The following FGF12 variants were observed in gnomAD, a reference collection of about 807,000 sequenced individuals.
FGF12 encodes fibroblast growth factor 12.
Under a neutral mutation model 23.6 loss-of-function variants are expected in FGF12, and 14 were observed. That is an observed-to-expected ratio of 0.59 (90% CI 0.39 to 0.93). The LOEUF is 0.93. Among genes scored for constraint, FGF12 ranks in the 40% least tolerant of loss-of-function variants. The probability of loss-of-function intolerance (pLI) is 0.00; values close to 1 mark genes in which losing one functional copy is unlikely to be tolerated. For missense variants in FGF12, 175 were observed against 217.8 expected (o/e 0.80, Z 1.24); for synonymous variants, 62 against 77.3 (o/e 0.80, Z 1.04).
intron 2 of FGF12, among the ~76,000 whole-genome samples, chr3:192,636,811 T>C (rs1254515366): frequency 6.6e-6 from 1 of 152,160 alleles, no homozygotes; most frequent in African/African-American, 2.4e-5. Flanking sequence ...AAATGCTATA[T>C]GTGTATCATA....
chr3:192,528,388 G>T (rs755508671), intron 2 of FGF12, among the ~76,000 whole-genome samples: 31 of 152,186 alleles, frequency 2.0e-4, no homozygotes, highest in Non-Finnish European at 3.8e-4. Context: ...CAAGAGGTGG[G>T]TCCCCATGCT....
At chr3:192,461,784 T>C (rs1722868749) in intron 2 of FGF12, among the ~76,000 whole-genome samples, 1 of 151,944 alleles carries the variant, frequency 6.6e-6, no homozygotes, top group African/African-American at 2.4e-5. Flanking sequence ...AGGTCAGGAG[T>C]TTGAGACCAG....
chr3:192,299,665 G>A (rs1715232065), intron 4 of FGF12, among the ~76,000 whole-genome samples: 1 of 152,162 alleles, frequency 6.6e-6, no homozygotes, highest in Non-Finnish European at 1.5e-5. Context: ...TGTCTTAACA[G>A]TGCTGATACA....
At chr3:192,549,859 C>T (rs1407452713) in intron 2 of FGF12, among the ~76,000 whole-genome samples, 1 of 152,126 alleles carries the variant, frequency 6.6e-6, no homozygotes, top group Non-Finnish European at 1.5e-5. Flanking sequence ...CTGGAACTTA[C>T]ACCATTAGCA....
intron 3 of FGF12, among the ~76,000 whole-genome samples, chr3:192,345,896 T>C (rs1717937885): frequency 6.6e-6 from 1 of 152,198 alleles, no homozygotes; most frequent in Admixed American, 6.5e-5. Context: ...GCACACTTAT[T>C]TGAGTTGATT....
chr3:192,571,924 G>T (rs1022717219), intron 2 of FGF12, among the ~76,000 whole-genome samples: 4 of 149,678 alleles, frequency 2.7e-5, no homozygotes, highest in Non-Finnish European at 4.4e-5. Context: ...CCATATAGTG[G>T]TCCTTAGCAC....
chr3:192,433,075 G>A (rs991118246), intron 2 of FGF12, among the ~76,000 whole-genome samples: 6 of 151,946 alleles, frequency 3.9e-5, no homozygotes, highest in Non-Finnish European at 5.9e-5. Context: ...TCGCTCCAAC[G>A]CACACATATG....
intron 2 of FGF12, among the ~76,000 whole-genome samples, chr3:192,467,298 T>C (rs1560120000): frequency 6.6e-6 from 1 of 152,212 alleles, no homozygotes; most frequent in African/African-American, 2.4e-5. Context: ...TCTATGGGCA[T>C]CAGTTTCCTT....
chr3:192,375,821 A>C (rs1255847058), intron 2 of FGF12, among the ~76,000 whole-genome samples: 1 of 151,848 alleles, frequency 6.6e-6, no homozygotes, highest in Non-Finnish European at 1.5e-5. Flanking sequence ...AAAGATGCTT[A>C]CTTTCCCTCA....
At chr3:192,292,048 C>T (rs887260325) in intron 4 of FGF12, among the ~76,000 whole-genome samples, 6 of 152,256 alleles carry the variant, frequency 3.9e-5, no homozygotes, top group African/African-American at 1.2e-4. Context: ...CATGTGTTGA[C>T]ACTCAACCAA....
At chr3:192,628,545 A>T (rs1393705888) in intron 2 of FGF12, among the ~76,000 whole-genome samples, 1 of 148,720 alleles carries the variant, frequency 6.7e-6, no homozygotes, top group East Asian at 2.0e-4. Flanking sequence ...ACTATTTTTC[A>T]TTCCAACCAA....
At chr3:192,692,680 G>C (rs562650780) in intron 2 of FGF12, among the ~76,000 whole-genome samples, 38 of 149,586 alleles carry the variant, frequency 2.5e-4, no homozygotes, top group African/African-American at 9.2e-4. Context: ...TAATCCAGCA[G>C]CCTGGGTGAC....
intron 2 of FGF12, among the ~76,000 whole-genome samples, chr3:192,382,751 A>C (rs1294691904): frequency 6.6e-6 from 1 of 152,208 alleles, no homozygotes; most frequent in Non-Finnish European, 1.5e-5. Context: ...GTATTACCCC[A>C]AAATATATAA....
At chr3:192,559,140 C>T (rs1560150063) in intron 2 of FGF12, among the ~76,000 whole-genome samples, 1 of 151,862 alleles carries the variant, frequency 6.6e-6, no homozygotes, top group Non-Finnish European at 1.5e-5. Flanking sequence ...GCAAAGAAAA[C>T]AATCTGCAGG....
chr3:192,143,930 A>G lies in FGF12; in HGVS notation c.*79T>C. On this transcript the variant is annotated 3_prime_UTR_variant, in exon 6 of 6. Transcript: ENST00000445105. ...ATTTTATTTTCCTCTCCTTGGGTGG[A>G]TTTACTGGAAGGAAATGGGTAAATG... The G allele has an allele frequency of 1.1e-6, 1 of 897,804 alleles. No individual in the cohort carries two copies. The highest frequency in any genetic ancestry group is 1.8e-6 in the Non-Finnish European group (1 of 546,960). The allele number at this position is 897,804 out of a possible 1,614,324, so 55.6% of individuals were successfully genotyped here.
intron 2 of FGF12, among the ~76,000 whole-genome samples, chr3:192,513,424 T>TC (rs769064172): frequency 2.0e-5 from 3 of 152,150 alleles, no homozygotes; most frequent in Non-Finnish European, 2.9e-5. Flanking sequence ...ATAAATCAGT[T>TC]CTTTTTAGTA....
intron 2 of FGF12, among the ~76,000 whole-genome samples, chr3:192,672,417 T>C (rs1205411587): frequency 6.6e-6 from 1 of 151,002 alleles, no homozygotes; most frequent in Non-Finnish European, 1.5e-5. Flanking sequence ...CACATTAAAA[T>C]TGTCATTCTA....
chr3:192,312,125 CTTGA>C (rs1715979547), intron 4 of FGF12, among the ~76,000 whole-genome samples: 1 of 151,830 alleles, frequency 6.6e-6, no homozygotes, highest in South Asian at 2.1e-4. Context: ...TGATTTTTCA[CTTGA>C]TTGTGTCCTT....
intron 2 of FGF12, among the ~76,000 whole-genome samples, chr3:192,404,821 G>A (rs765152932): frequency 1.3e-5 from 2 of 152,048 alleles, no homozygotes; most frequent in African/African-American, 2.4e-5. Context: ...AATGCTATAC[G>A]GTGGTCATTG....
Sources: gnomAD v4.1 joint callset for allele counts (sites outside exome capture counted in the v4.1 genomes callset) on GRCh38, gnomAD v4.1.1 for gene constraint, MANE v1.5 for transcripts, NCBI Gene and HGNC (gene_info 2026-07-23, HGNC 2026-07-21) for gene names.